Variants in CD99L2 observed in about 807,000 individuals in gnomAD.
The protein encoded by CD99L2 is CD99 molecule like 2, also known as CD99 antigen-like protein 2.
A neutral mutation model predicts 27.3 loss-of-function variants in CD99L2; 24 were observed. The ratio of observed to expected loss-of-function variants is 0.88; its 90% CI spans 0.64 to 1.24. CD99L2 has a LOEUF of 1.24. CD99L2 is among the 50% of genes most tolerant of loss of function. The probability of loss-of-function intolerance (pLI) is 0.00; values close to 1 mark genes in which losing one functional copy is unlikely to be tolerated. For missense variants in CD99L2, 255 were observed against 221.6 expected (o/e 1.15, Z -0.96); for synonymous variants, 97 against 87.9 (o/e 1.10, Z -0.58).
intron 1 of CD99L2, among the ~76,000 whole-genome samples, chrX:150,843,914 T>C (rs1328775627): frequency 1.8e-5 from 2 of 111,016 alleles, no homozygotes; most frequent in Non-Finnish European, 3.8e-5. Flanking sequence ...GAGCTATTTA[T>C]CAAAAAGGAA....
At chrX:150,871,895 A>C (rs1557422200) in intron 1 of CD99L2, among the ~76,000 whole-genome samples, 1 of 112,223 alleles carries the variant, frequency 8.9e-6, no homozygotes, top group African/African-American at 3.2e-5. Context: ...CTATAGTTTC[A>C]ATTCTATGAA....
chrX:150,781,282 A>G (rs2045506067), intron 7 of CD99L2, among the ~76,000 whole-genome samples: 2 of 112,623 alleles, frequency 1.8e-5, no homozygotes, highest in South Asian at 7.3e-4. Context: ...TAAAAATCAC[A>G]AATATTTACA....
intron 1 of CD99L2, among the ~76,000 whole-genome samples, chrX:150,836,067 C>T (rs1488384419): frequency 8.9e-6 from 1 of 111,876 alleles, no homozygotes; most frequent in Non-Finnish European, 1.9e-5. Flanking sequence ...CACAAGTGGA[C>T]CCATCTGCCC....
rs908277574 is a variant in CD99L2 at position 150,816,862 on chromosome X, C to T, written c.131-784G>A. 2.7e-5 allele frequency among the ~76,000 whole-genome samples: 3 copies of T among 110,036 alleles called. No homozygotes were observed. In the East Asian group the frequency reaches 8.7e-4, roughly 32 times the overall value. ...CACATATACACCATGGAATACTATA[C>T]AGCCATAGAAAAGGGTGAGTTCATG... is the stretch of plus-strand genomic sequence containing the variant. On this transcript the variant is annotated intron_variant, in intron 2 of 10. Transcript: ENST00000370377.
intron 4 of CD99L2, among the ~76,000 whole-genome samples, chrX:150,813,402 T>C (rs1400787954): frequency 8.9e-6 from 1 of 112,019 alleles, no homozygotes; most frequent in Non-Finnish European, 1.9e-5. Context: ...TCTATGATTA[T>C]CTAAAAATGA....
intron 1 of CD99L2, among the ~76,000 whole-genome samples, chrX:150,861,779 G>T (rs1050667929): frequency 9.1e-6 from 1 of 109,412 alleles, no homozygotes; most frequent in African/African-American, 3.3e-5. Context: ...AGTGGCGGGC[G>T]CCTGTAATCT....
At position 150,898,564 on chromosome X, in the gene CD99L2, G is replaced by C. The variant is rs782369133; in HGVS notation, c.25C>G (p.Leu9Val). Reference sequence around the variant, plus strand: ...GCCAAGGAGAAAGCGAGGCAGACAAGGAACGCCGAGCGCCAGGCCACCATG... The same window carrying C: ...GCCAAGGAGAAAGCGAGGCAGACAACGAACGCCGAGCGCCAGGCCACCATG... MVAWRSAF[L>V]VCLAFSLATL... Residue 9 changes from leucine to valine, a missense_variant, in exon 1 of 11, where the codon CTT becomes GTT. Physicochemically the swap from Leu to Val is conservative, Grantham distance 32. Coordinates refer to ENST00000370377, the MANE Select transcript of CD99L2 (RefSeq NM_031462.4). 309 of 1,117,852 alleles carry C rather than the reference G, an allele frequency of 2.8e-4. No individual in the cohort carries two copies. Among genetic ancestry groups the C allele is most frequent in the Non-Finnish European group, 3.4e-4 (291 of 851,310 alleles). The allele number at this position is 1,117,852 out of a possible 1,213,427, so 92.1% of individuals were successfully genotyped here.
chrX:150,814,703 T>A (rs1292986471), intron 4 of CD99L2, among the ~76,000 whole-genome samples, 159 bp downstream of exon 4: 1 of 112,051 alleles, frequency 8.9e-6, no homozygotes, highest in Non-Finnish European at 1.9e-5. Flanking sequence ...TGGGGAGTCC[T>A]GAGACAAAAA....
intron 7 of CD99L2, among the ~76,000 whole-genome samples, chrX:150,783,909 C>T (rs1390151839): frequency 8.9e-6 from 1 of 111,877 alleles, no homozygotes; most frequent in Admixed American, 9.4e-5. Flanking sequence ...CAAGGCTCAC[C>T]GTGAAGACAT....
At chrX:150,875,728 T>C (rs781879079) in intron 1 of CD99L2, among the ~76,000 whole-genome samples, 36 of 111,945 alleles carry the variant, frequency 3.2e-4, no homozygotes, top group African/African-American at 1.1e-3. Flanking sequence ...GGGCAGGTCT[T>C]TTCTGTGCTG....
chrX:150,819,142 AAGGTCAAAG>A (rs1359552824), intron 2 of CD99L2: 7 of 345,637 alleles, frequency 2.0e-5, no homozygotes, highest in Admixed American at 8.8e-5. Flanking sequence ...GGTCTTTGGC[AAGGTCAAAG>A]AGGCCATGAA....
intron 4 of CD99L2, among the ~76,000 whole-genome samples, chrX:150,804,467 C>T (rs1177518371): frequency 8.9e-6 from 1 of 111,863 alleles, no homozygotes; most frequent in African/African-American, 3.2e-5. Flanking sequence ...AAAGATCTCT[C>T]CAGGCACGGT....
At chrX:150,871,216 C>CT (rs1271236547) in intron 1 of CD99L2, among the ~76,000 whole-genome samples, 6 of 111,287 alleles carry the variant, frequency 5.4e-5, no homozygotes, top group East Asian at 2.8e-4. Flanking sequence ...ACAGTTGGTC[C>CT]TTTTTTTTAC....
chrX:150,866,812 A>G (rs1208375644), intron 1 of CD99L2, among the ~76,000 whole-genome samples: 2 of 111,883 alleles, frequency 1.8e-5, no homozygotes, highest in African/African-American at 6.5e-5. Context: ...AGAGTATCAC[A>G]GGTACCCCTA....
At position 150,769,662 on chromosome X, in the gene CD99L2, TCC is replaced by T. The variant is rs1557418897; in HGVS notation, c.722-563_722-562del. 4.9e-3 allele frequency among the ~76,000 whole-genome samples: 530 copies of T among 108,721 alleles called. 1 individual carries two copies. The highest frequency in any genetic ancestry group is 0.017 in the African/African-American group (501 of 29,816). 94.4% of individuals were successfully genotyped at this position (108,721 alleles called of 115,157 possible). A position where few individuals can be genotyped will look rare whatever the true frequency, so the allele number is the denominator to read the frequency against. On this transcript the variant is annotated intron_variant, in intron 10 of 10. Coordinates refer to ENST00000370377, the MANE Select transcript of CD99L2 (RefSeq NM_031462.4). ...CCACTGGCAACACTCGCCTGAGCTG[TCC>T]TAGTCTCCCTGCCTGCGCCACCAGG...
intron 7 of CD99L2, among the ~76,000 whole-genome samples, chrX:150,789,716 C>T (rs2045657355): frequency 9.0e-6 from 1 of 111,251 alleles, no homozygotes. Context: ...AAGACCCCAT[C>T]CCTACAAAAA....
At chrX:150,834,100 G>C (rs75710381) in intron 1 of CD99L2, among the ~76,000 whole-genome samples, 1 of 111,822 alleles carries the variant, frequency 8.9e-6, no homozygotes, top group East Asian at 2.8e-4. Flanking sequence ...GTTAAAAATG[G>C]GCAAAGGCAA....
chrX:150,857,575 G>A (rs1378706464), intron 1 of CD99L2, among the ~76,000 whole-genome samples: 3 of 111,611 alleles, frequency 2.7e-5, no homozygotes, highest in Admixed American at 9.5e-5. Flanking sequence ...GGTATTCATC[G>A]ACACGAGACT....
At chrX:150,889,064 A>G (rs782450985) in intron 1 of CD99L2, among the ~76,000 whole-genome samples, 1 of 113,016 alleles carries the variant, frequency 8.8e-6, no homozygotes, top group Non-Finnish European at 1.9e-5. Context: ...GGCAGATAGC[A>G]CTACAGCAAT....
Sources: gnomAD v4.1 joint callset for allele counts (sites outside exome capture counted in the v4.1 genomes callset) on GRCh38, gnomAD v4.1.1 for gene constraint, MANE v1.5 for transcripts, NCBI Gene and HGNC (gene_info 2026-07-23, HGNC 2026-07-21) for gene names.